The following ITGAE variants were observed in gnomAD, a reference collection of about 807,000 sequenced individuals.
ITGAE encodes integrin alpha-E.
Under a neutral mutation model 136.5 loss-of-function variants are expected in ITGAE, and 99 were observed. The ratio of observed to expected loss-of-function variants is 0.73; its 90% CI spans 0.62 to 0.86. The LOEUF is 0.86. Ranked by LOEUF, ITGAE falls within the 40% of genes least tolerant of loss-of-function variation. The probability of loss-of-function intolerance (pLI) is 0.00; values close to 1 mark genes in which losing one functional copy is unlikely to be tolerated. For synonymous variants in ITGAE, 613 were observed against 591.8 expected (o/e 1.04, Z -0.52); for missense variants, 1,447 against 1,515.3 (o/e 0.95, Z 0.75).
intron 26 of ITGAE, 141 bp from the exon 27 acceptor site, chr17:3,723,885 G>T: frequency 6.6e-7 from 1 of 1,521,572 alleles, no homozygotes. Flanking sequence ...CGTCCGCGTC[G>T]CACGGAAGTC....
intron 19 of ITGAE, among the ~76,000 whole-genome samples, chr17:3,742,850 C>T (rs1366925336): frequency 6.6e-6 from 1 of 152,184 alleles, no homozygotes; most frequent in Non-Finnish European, 1.5e-5. Context: ...CAGGGTTTCA[C>T]CATCTTGGCC....
chr17:3,766,577 G>A (rs138034164), intron 2 of ITGAE, among the ~76,000 whole-genome samples: 3 of 152,114 alleles, frequency 2.0e-5, no homozygotes, highest in Non-Finnish European at 4.4e-5. Flanking sequence ...CGAGGCAGGC[G>A]GATCACCTGA....
rs10438734 is a variant in ITGAE, at chr17:3,753,474, G to C, written c.1528-44C>G. 1.6e-3 allele frequency: 2,587 copies of C among 1,599,038 alleles called. 33 individuals carry two copies. Among genetic ancestry groups the C allele is most frequent in the African/African-American group, 0.016 (1,177 of 74,614 alleles). On this transcript the variant is annotated intron_variant, in intron 13 of 30. Transcript: ENST00000263087. The stretch of plus-strand genomic sequence containing the variant: ...TCAGCTCACCAGGAGCCCCGCTCCT[G>C]CACCCCTCAGCAAGGCTACACCCCT...
At chr17:3,730,128 T>A (rs1238857323) in intron 23 of ITGAE, among the ~76,000 whole-genome samples, 2 of 152,074 alleles carry the variant, frequency 1.3e-5, no homozygotes, top group Non-Finnish European at 2.9e-5. Context: ...CTTCTGCACC[T>A]GGCTCCCCAG....
intron 18 of ITGAE, among the ~76,000 whole-genome samples, chr17:3,744,503 G>A (rs561388768): frequency 6.7e-6 from 1 of 148,304 alleles, no homozygotes; most frequent in South Asian, 2.1e-4. Context: ...CTGGAGTGCA[G>A]TGGCTCGATC....
chr17:3,781,443 G>T (rs557514585), intron 1 of ITGAE, among the ~76,000 whole-genome samples: 6 of 151,838 alleles, frequency 4.0e-5, no homozygotes, highest in African/African-American at 1.4e-4. Flanking sequence ...ACCATCTCCC[G>T]GGTTCAAGGG....
intron 1 of ITGAE, among the ~76,000 whole-genome samples, chr17:3,778,664 G>A (rs2052599137): frequency 6.6e-6 from 1 of 152,056 alleles, no homozygotes; most frequent in Admixed American, 6.6e-5. Context: ...CAGCAGAATA[G>A]GCTCATGAAT....
intron 3 of ITGAE, among the ~76,000 whole-genome samples, chr17:3,763,118 CTG>C (rs2052214717): frequency 6.6e-6 from 1 of 152,162 alleles, no homozygotes. Flanking sequence ...GTCTCGAACT[CTG>C]GACCTCAAAT....
chr17:3,801,111 T>G lies in ITGAE; in HGVS notation c.34A>C (p.Ser12Arg). 1 of 1,612,866 alleles carries G rather than the reference T, an allele frequency of 6.2e-7. No individual in the cohort carries two copies. Among genetic ancestry groups the G allele is most frequent in the South Asian group, 1.1e-5 (1 of 91,088 alleles). Residue 12 changes from serine to arginine, a missense_variant and splice_region_variant, in exon 1 of 31, where the codon AGC (serine) becomes CGC (arginine). Around this residue, in one of 3 missense-constraint regions of ITGAE, gnomAD observed 106 missense variants for 87.8 expected, o/e 1.21. Transcript: ENST00000263087. Reference protein sequence around the residue: ...WLFHTLLCIASLALLAAFNVD... With the variant: ...WLFHTLLCIARLALLAAFNVD... ...CGAAGCAGCGGGTGAGAGGACTTACTGGCTATGCAGAGCAGAGTGTGGAAG... is the reference window on the plus strand; with the variant it reads ...CGAAGCAGCGGGTGAGAGGACTTACGGGCTATGCAGAGCAGAGTGTGGAAG...
chr17:3,726,248 G>A, intron 26 of ITGAE: 4 of 1,614,192 alleles, frequency 2.5e-6, no homozygotes, highest in Non-Finnish European at 3.4e-6. Context: ...AGCAAATTAA[G>A]AGAAAAATCC....
intron 1 of ITGAE, among the ~76,000 whole-genome samples, chr17:3,795,944 C>CCT (rs1567565118): frequency 9.3e-6 from 1 of 107,042 alleles, no homozygotes; most frequent in Non-Finnish European, 1.8e-5. Context: ...TGTGTGCATC[C>CCT]GTGTGTGCAT....
intron 1 of ITGAE, among the ~76,000 whole-genome samples, chr17:3,782,190 G>A (rs1272433012): frequency 3.4e-5 from 5 of 146,698 alleles, no homozygotes; most frequent in Admixed American, 1.4e-4. Flanking sequence ...AGGGAGAATC[G>A]CTTGAACCTG....
At chr17:3,724,415 C>T in intron 26 of ITGAE, 1 of 1,612,470 alleles carries the variant, frequency 6.2e-7, no homozygotes. Flanking sequence ...GGGACGGCGA[C>T]GAGCTGGGCA....
At position 3,799,514 on chromosome 17, in the gene ITGAE, T is replaced by C. The variant is rs1198400363; in HGVS notation, c.34+1597A>G. Among the ~76,000 whole-genome samples the C allele has an allele frequency of 1.3e-5, 2 of 152,172 alleles. No individual in the cohort carries two copies. The highest frequency in any genetic ancestry group is 4.8e-5 in the African/African-American group (2 of 41,442). ...AGACAGATGAGCCACAGGAGTATTC[T>C]GGAGCTGGGAGGCAGGACAGAGGCC... On this transcript the variant is annotated intron_variant, in intron 1 of 30. Coordinates refer to ENST00000263087, the MANE Select transcript of ITGAE (RefSeq NM_002208.5). The surrounding 1 kb of genome is among the most constrained non-coding windows in gnomAD (Gnocchi z 4.1).
intron 26 of ITGAE, chr17:3,723,954 G>A: frequency 7.7e-6 from 12 of 1,565,862 alleles, no homozygotes; most frequent in Non-Finnish European, 1.0e-5. Context: ...TTCGCTCCCG[G>A]GACCTGGGAG....
At chr17:3,772,868 G>A (rs1019033463) in intron 2 of ITGAE, among the ~76,000 whole-genome samples, 1 of 152,218 alleles carries the variant, frequency 6.6e-6, no homozygotes, top group East Asian at 1.9e-4. Context: ...TCACAACACA[G>A]AACAGTCCAG....
chr17:3,788,014 A>G (rs899584978), intron 1 of ITGAE, among the ~76,000 whole-genome samples: 8 of 152,030 alleles, frequency 5.3e-5, no homozygotes, highest in Non-Finnish European at 1.0e-4. Context: ...CTGACGTCTG[A>G]AGTCTCCTTA....
At chr17:3,722,516 C>T (rs1392376356) in intron 28 of ITGAE, 1 of 151,748 alleles carries the variant, frequency 6.6e-6, no homozygotes, top group Admixed American at 6.6e-5. Context: ...AACACCTGAG[C>T]TAAATTTAAG....
At chr17:3,772,995 C>T (rs2143256110) in intron 2 of ITGAE, among the ~76,000 whole-genome samples, 1 of 152,282 alleles carries the variant, frequency 6.6e-6, no homozygotes. Context: ...CTGGAGGTAG[C>T]ATCAGCCCTC....
Sources: gnomAD v4.1 joint callset for allele counts (sites outside exome capture counted in the v4.1 genomes callset) on GRCh38, gnomAD v4.1.1 for gene constraint, gnomAD v4.1.1 regional missense constraint, Gnocchi (gnomAD v3.1) non-coding constraint, MANE v1.5 for transcripts, NCBI Gene and HGNC (gene_info 2026-07-23, HGNC 2026-07-21) for gene names.